CLEC16A: variants seen among roughly 807,000 people sequenced by gnomAD.
CLEC16A encodes the protein protein CLEC16A.
In CLEC16A, 51 loss-of-function variants were observed where a neutral mutation model predicts 109.5. The ratio of observed to expected loss-of-function variants is 0.47; its 90% CI spans 0.37 to 0.59. CLEC16A has a LOEUF of 0.59. CLEC16A is among the 20% of genes least tolerant of loss of function. The pLI is 0.00. For synonymous variants in CLEC16A, 673 were observed against 564.2 expected (o/e 1.19, Z -2.73); for missense variants, 1,339 against 1,394.0 (o/e 0.96, Z 0.63).
intron 19 of CLEC16A, among the ~76,000 whole-genome samples, chr16:11,082,210 A>G (rs547793337): frequency 1.3e-5 from 2 of 152,338 alleles, no homozygotes; most frequent in African/African-American, 4.8e-5. Context: ...GAGTGTGTGC[A>G]TGTGTGTATG....
At chr16:11,028,156 C>T (rs773299696) in intron 13 of CLEC16A, among the ~76,000 whole-genome samples, 4 of 152,182 alleles carry the variant, frequency 2.6e-5, no homozygotes, top group African/African-American at 9.7e-5. Context: ...GCTGAGATCA[C>T]GCCATTGCAC....
intron 10 of CLEC16A, among the ~76,000 whole-genome samples, chr16:11,002,050 G>A (rs1438559332): frequency 6.6e-6 from 1 of 152,182 alleles, no homozygotes; most frequent in Non-Finnish European, 1.5e-5. Flanking sequence ...AATAATATCA[G>A]TGGGCTGTAG....
At chr16:11,021,634 G>A (rs1218465804) in intron 12 of CLEC16A, among the ~76,000 whole-genome samples, 2 of 152,098 alleles carry the variant, frequency 1.3e-5, no homozygotes, top group Admixed American at 6.5e-5. Context: ...CCATCTTTAC[G>A]AAAATATTAA....
At chr16:11,116,233 TAA>T (rs765905851) in intron 19 of CLEC16A, among the ~76,000 whole-genome samples, 4 of 136,406 alleles carry the variant, frequency 2.9e-5, no homozygotes, top group Middle Eastern at 3.4e-3. Flanking sequence ...CTACTAAAAA[TAA>T]AAAAAAAAAA....
intron 11 of CLEC16A, among the ~76,000 whole-genome samples, chr16:11,007,547 C>G (rs1357272037): frequency 6.6e-6 from 1 of 152,190 alleles, no homozygotes; most frequent in African/African-American, 2.4e-5. Context: ...AGGGGACTTC[C>G]TAATGCCTGG....
chr16:10,986,423 T>A (rs2043660058), intron 10 of CLEC16A, among the ~76,000 whole-genome samples: 1 of 152,188 alleles, frequency 6.6e-6, no homozygotes, highest in African/African-American at 2.4e-5. Flanking sequence ...AGGCACAGCA[T>A]CATTCAGCAG....
intron 1 of CLEC16A, 50 bp downstream of exon 1, chr16:10,944,847 G>T: frequency 6.6e-7 from 1 of 1,505,540 alleles, no homozygotes. Context: ...CAGGGGGACG[G>T]GGCGCCGAGC....
At chr16:10,982,419 C>T (rs16957864) in intron 9 of CLEC16A, among the ~76,000 whole-genome samples, 13,039 of 152,286 alleles carry the variant, frequency 0.086, 600 homozygotes, top group African/African-American at 0.12. Flanking sequence ...GTGTAGCCAA[C>T]CCTCTGCCAA....
At chr16:11,009,970 T>C (rs558992776) in intron 11 of CLEC16A, among the ~76,000 whole-genome samples, 1 of 152,158 alleles carries the variant, frequency 6.6e-6, no homozygotes, top group African/African-American at 2.4e-5. Context: ...CCAGGCAACA[T>C]AGGGAGACCC....
At position 10,971,107 on chromosome 16, in the gene CLEC16A, T is replaced by C; in HGVS notation, c.493-18T>C. ...CTTATGGGCTTATAATTTGTTTTCGTTATTTCTTTTGTTTTAGCACACCAA... is the reference window on the plus strand; with the variant it reads ...CTTATGGGCTTATAATTTGTTTTCGCTATTTCTTTTGTTTTAGCACACCAA... On this transcript the variant is annotated intron_variant, in intron 4 of 23. Coordinates refer to ENST00000409790, the MANE Select transcript of CLEC16A (RefSeq NM_015226.3). 6.3e-7 allele frequency: 1 copy of C among 1,576,306 alleles called. No individual in the cohort carries two copies. The highest frequency in any genetic ancestry group is 8.7e-7 in the Non-Finnish European group (1 of 1,146,540).
At chr16:11,155,166 C>T (rs1254170981) in intron 22 of CLEC16A, among the ~76,000 whole-genome samples, 1 of 152,120 alleles carries the variant, frequency 6.6e-6, no homozygotes, top group Non-Finnish European at 1.5e-5. Context: ...CCTCATTGGG[C>T]CCAAGTTCCA....
rs191361293 is a variant in CLEC16A, at chr16:11,164,770, C to G, written c.2642-1618C>G. On this transcript the variant is annotated intron_variant, in intron 22 of 23. Coordinates refer to ENST00000409790, the MANE Select transcript of CLEC16A (RefSeq NM_015226.3). ...TTCCAGTAAAACTTTACTTACCAAG[C>G]AGGCAGCAGGTTGCAGGATGCCAAC... 1.1e-4 allele frequency among the ~76,000 whole-genome samples: 17 copies of G among 152,360 alleles called. No homozygotes were observed. The East Asian group carries it at 2.9e-3, about 26-fold the overall frequency.
intron 22 of CLEC16A, among the ~76,000 whole-genome samples, chr16:11,136,546 T>C (rs2053572634): frequency 6.6e-6 from 1 of 152,210 alleles, no homozygotes; most frequent in Non-Finnish European, 1.5e-5. Context: ...TACACATTAA[T>C]CAATTAGCAC....
rs1302307745 is a variant in CLEC16A at position 11,027,669 on chromosome 16, C to T, written c.1537+2748C>T. ...CCCTTTCCACCTCTCAGTGGCCCATCATGCTACCAAAAATAGAGTGGGCTT... is the reference window on the plus strand; with the variant it reads ...CCCTTTCCACCTCTCAGTGGCCCATTATGCTACCAAAAATAGAGTGGGCTT... On this transcript the variant is annotated intron_variant, in intron 13 of 23. Transcript: ENST00000409790. The T allele has an allele frequency of 2.6e-6, 4 of 1,560,468 alleles. 1 individual carries two copies. Among genetic ancestry groups the T allele is most frequent in the East Asian group, 4.5e-5 (2 of 44,730 alleles).
In CLEC16A at chr16:11,050,152, G is replaced by A. The variant is rs532938779; in HGVS notation, c.1867-1361G>A. On this transcript the variant is annotated intron_variant, in intron 17 of 23. Transcript: ENST00000409790. ...TCATCCCATGGTAGAATGCGAAAGG[G>A]CAAGACAGAGCAAGAGGGAACAGAA... 5.3e-5 allele frequency among the ~76,000 whole-genome samples: 8 copies of A among 152,338 alleles called. No homozygotes were observed. The East Asian group carries it at 9.6e-4, about 18-fold the overall frequency.
intron 10 of CLEC16A, among the ~76,000 whole-genome samples, chr16:10,996,758 GGTGGACTGTGGGCTCTGAGAGGC>G (rs1361259742): frequency 7.9e-5 from 12 of 151,476 alleles, no homozygotes; most frequent in South Asian, 2.1e-4. Flanking sequence ...CTCTGAGAGG[GGTGGACTGTGGGCTCTGAGAGGC>G]GTGGACTGTG....
chr16:10,962,735 G>A, intron 3 of CLEC16A, 147 bp downstream of exon 3: 1 of 917,780 alleles, frequency 1.1e-6, no homozygotes, highest in Non-Finnish European at 1.7e-6. Flanking sequence ...AAACAATAGA[G>A]ATTTGTTTTC....
chr16:11,090,405 A>T (rs903047063), intron 19 of CLEC16A, among the ~76,000 whole-genome samples: 3 of 152,136 alleles, frequency 2.0e-5, no homozygotes, highest in African/African-American at 7.2e-5. Context: ...CATTGTCAGG[A>T]AAGGGACCAT....
chr16:10,979,120 G>A (rs1462080691), intron 8 of CLEC16A, among the ~76,000 whole-genome samples: 1 of 152,164 alleles, frequency 6.6e-6, no homozygotes, highest in Non-Finnish European at 1.5e-5. Flanking sequence ...TTCTCAGATG[G>A]AAAAATAGTG....
Sources: gnomAD v4.1 joint callset for allele counts (sites outside exome capture counted in the v4.1 genomes callset) on GRCh38, gnomAD v4.1.1 for gene constraint, MANE v1.5 for transcripts, NCBI Gene and HGNC (gene_info 2026-07-23, HGNC 2026-07-21) for gene names.